PPP1R17: variants seen among roughly 807,000 people sequenced by gnomAD.
The protein encoded by PPP1R17 is protein phosphatase 1 regulatory subunit 17, also known as G-substrate.
Under a neutral mutation model 15.9 loss-of-function variants are expected in PPP1R17, and 12 were observed. The ratio of observed to expected loss-of-function variants is 0.75; its 90% CI spans 0.48 to 1.22. The LOEUF is 1.22. Among genes scored for constraint, PPP1R17 ranks in the 50% most tolerant of loss-of-function variants. The pLI, the probability that PPP1R17 is intolerant of heterozygous loss-of-function variation, is 0.00. For missense variants in PPP1R17, 211 were observed against 187.3 expected (o/e 1.13, Z -0.74); for synonymous variants, 63 against 64.5 (o/e 0.98, Z 0.11).
At chr7:31,695,051 C>T (rs1792519936) in intron 2 of PPP1R17, among the ~76,000 whole-genome samples, 1 of 152,108 alleles carries the variant, frequency 6.6e-6, no homozygotes, top group South Asian at 2.1e-4. Flanking sequence ...TTTCTAAGAT[C>T]GAGGGAGATT....
intron 4 of PPP1R17, among the ~76,000 whole-genome samples, chr7:31,706,016 TTTTTTTG>T (rs1793055893): frequency 2.7e-5 from 3 of 111,562 alleles, no homozygotes; most frequent in East Asian, 6.0e-4. Flanking sequence ...TTTTTTTTTT[TTTTTTTG>T]AGAAGGAGTC....
chr7:31,704,401 C>T (rs1254592481), intron 4 of PPP1R17, among the ~76,000 whole-genome samples: 1 of 152,176 alleles, frequency 6.6e-6, no homozygotes, highest in East Asian at 1.9e-4. Context: ...AGACTTTGGA[C>T]TGGCAGTCTT....
intron 4 of PPP1R17, among the ~76,000 whole-genome samples, chr7:31,701,565 G>T (rs1792848988): frequency 6.6e-6 from 1 of 152,212 alleles, no homozygotes; most frequent in Non-Finnish European, 1.5e-5. Flanking sequence ...TGAAAGGATT[G>T]ACTTGATTTT....
intron 1 of PPP1R17, among the ~76,000 whole-genome samples, chr7:31,689,001 T>G (rs916831312): frequency 5.3e-5 from 8 of 152,258 alleles, no homozygotes; most frequent in Non-Finnish European, 1.2e-4. Context: ...TTTGTCTTTA[T>G]GTCACTTAGT....
chr7:31,699,878 C>T (rs777471421), intron 4 of PPP1R17, among the ~76,000 whole-genome samples: 19 of 151,928 alleles, frequency 1.3e-4, no homozygotes, highest in Non-Finnish European at 2.5e-4. Flanking sequence ...GTGCCACAGA[C>T]CTCGCCCATA....
chr7:31,704,793 A>G (rs1792997731), intron 4 of PPP1R17, among the ~76,000 whole-genome samples: 1 of 152,184 alleles, frequency 6.6e-6, no homozygotes, highest in Non-Finnish European at 1.5e-5. Flanking sequence ...CACCATAGGC[A>G]AAGCTTTCTG....
At chr7:31,698,693 A>G (rs1290290976) in intron 4 of PPP1R17, among the ~76,000 whole-genome samples, 1 of 152,256 alleles carries the variant, frequency 6.6e-6, no homozygotes, top group Non-Finnish European at 1.5e-5. Context: ...GTCAATAACC[A>G]TATAGATTAA....
intron 4 of PPP1R17, among the ~76,000 whole-genome samples, chr7:31,705,586 T>C (rs1220391547): frequency 6.6e-6 from 1 of 152,204 alleles, no homozygotes; most frequent in Non-Finnish European, 1.5e-5. Flanking sequence ...GTGAACAAAC[T>C]AGGAACTGAA....
rs1394944679 is a variant in PPP1R17 at position 31,707,801 on chromosome 7, C to T, written c.*518C>T. 6.5e-6 allele frequency: 1 copy of T among 154,198 alleles called. No homozygotes were observed. Among genetic ancestry groups the T allele is most frequent in the African/African-American group, 2.4e-5 (1 of 41,422 alleles). 9.6% of individuals were successfully genotyped at this position (154,198 alleles called of 1,614,324 possible). A position where few individuals can be genotyped will look rare whatever the true frequency, so the allele number is the denominator to read the frequency against. ...TGTCCTATCTTAAGAGTCCAAATGT[C>T]TCTGGTGATGTTCCTAAGACCCTTG... is the stretch of plus-strand genomic sequence containing the variant. On this transcript the variant is annotated 3_prime_UTR_variant, in exon 5 of 5. Coordinates refer to ENST00000342032, the MANE Select transcript of PPP1R17 (RefSeq NM_006658.5).
intron 1 of PPP1R17, 77 bp from the exon 2 acceptor site, chr7:31,692,329 A>G (rs2128238926): frequency 2.3e-6 from 2 of 877,610 alleles, no homozygotes; most frequent in East Asian, 2.5e-5. Flanking sequence ...TGCTCAACAA[A>G]TATATTTACT....
chr7:31,702,054 T>C (rs530148084), intron 4 of PPP1R17, among the ~76,000 whole-genome samples: 1 of 152,222 alleles, frequency 6.6e-6, no homozygotes, highest in African/African-American at 2.4e-5. Context: ...ATTTTGCCTT[T>C]GTATAACCCA....
chr7:31,692,603 C>T, intron 2 of PPP1R17, 80 bp downstream of exon 2: 1 of 1,364,078 alleles, frequency 7.3e-7, no homozygotes, highest in Admixed American at 1.7e-5. Flanking sequence ...GCAGGCAAGT[C>T]AGAGAGAGGG....
intron 4 of PPP1R17, 137 bp from the exon 5 acceptor site, chr7:31,707,067 G>T: frequency 1.5e-6 from 1 of 674,668 alleles, no homozygotes; most frequent in Non-Finnish European, 2.5e-6. Flanking sequence ...TCTCTGGGTT[G>T]GTACTGTTAG....
In PPP1R17 at chr7:31,698,980, G is replaced by A. The variant is rs374558132; in HGVS notation, c.388+1863G>A. Among the ~76,000 whole-genome samples the A allele has an allele frequency of 3.9e-5, 6 of 152,146 alleles. No individual in the cohort carries two copies. In the East Asian group the frequency reaches 9.6e-4, roughly 24 times the overall value. On this transcript the variant is annotated intron_variant, in intron 4 of 4. Transcript: ENST00000342032. ...AATATTTATTGAGTGCCTACTATGT[G>A]CCAGGCACAGCTCAAGTGCTGGGCA...
intron 4 of PPP1R17, among the ~76,000 whole-genome samples, chr7:31,700,598 T>C (rs1792804086): frequency 6.6e-6 from 1 of 152,332 alleles, no homozygotes; most frequent in South Asian, 2.1e-4. Flanking sequence ...TTAATGTAGA[T>C]GAAACAGCCT....
At chr7:31,695,969 G>A (rs1792563643) in intron 3 of PPP1R17, 3 of 165,914 alleles carry the variant, frequency 1.8e-5, no homozygotes, top group African/African-American at 4.8e-5. Context: ...CCACAGTCAC[G>A]ATGAGTACCA....
chr7:31,700,505 C>T (rs770399970), intron 4 of PPP1R17, among the ~76,000 whole-genome samples: 1 of 152,150 alleles, frequency 6.6e-6, no homozygotes, highest in Non-Finnish European at 1.5e-5. Flanking sequence ...AAGCAACAAG[C>T]GCTGATGTAG....
At position 31,695,547 on chromosome 7, in the gene PPP1R17, T is replaced by C. The variant is rs556609220; in HGVS notation, c.161T>C (p.Leu54Pro). Residue 54 changes from leucine to proline, a missense_variant, in exon 3 of 5, where the codon CTG (leucine) becomes CCG (proline). Coordinates refer to ENST00000342032, the MANE Select transcript of PPP1R17 (RefSeq NM_006658.5). The stretch of plus-strand genomic sequence containing the variant: ...AAGGGAAAAAATGTACAGGCCACCC[T>C]GAATGTTGAGTCAGACCAAAAAAAA... The part of the protein sequence containing the change: ...PRKGKNVQAT[L>P]NVESDQKKPR... The C allele has an allele frequency of 1.9e-6, 3 of 1,613,924 alleles. No homozygotes were observed. The highest frequency in any genetic ancestry group is 1.3e-5 in the African/African-American group (1 of 75,008).
At chr7:31,689,778 A>T (rs1792261359) in intron 1 of PPP1R17, among the ~76,000 whole-genome samples, 1 of 152,162 alleles carries the variant, frequency 6.6e-6, no homozygotes, top group Admixed American at 6.5e-5. Flanking sequence ...GAAGTCCGTA[A>T]TGACATCATT....
Sources: allele counts gnomAD v4.1 joint callset (sites outside exome capture counted in the v4.1 genomes callset), GRCh38; gene constraint gnomAD v4.1.1; transcripts MANE v1.5; gene names NCBI Gene and HGNC (gene_info 2026-07-23, HGNC 2026-07-21).